NT5DC1: variants seen among roughly 807,000 people sequenced by gnomAD.
NT5DC1 encodes 5'-nucleotidase domain-containing protein 1.
A neutral mutation model predicts 59.4 loss-of-function variants in NT5DC1; 42 were observed. The observed-to-expected ratio is 0.71, with a 90% CI of 0.55 to 0.92. The LOEUF (loss-of-function observed/expected upper bound fraction) is 0.92, where lower values mean the gene tolerates loss of function less well. Among genes scored for constraint, NT5DC1 ranks in the 40% least tolerant of loss-of-function variants. The pLI is 0.00. For missense variants in NT5DC1, 501 were observed against 537.1 expected (o/e 0.93, Z 0.66); for synonymous variants, 172 against 188.1 (o/e 0.91, Z 0.70).
At chr6:116,192,186 C>T (rs190054064) in intron 6 of NT5DC1, among the ~76,000 whole-genome samples, 2 of 151,978 alleles carry the variant, frequency 1.3e-5, no homozygotes, top group Non-Finnish European at 2.9e-5. Context: ...TGTGATTTTG[C>T]CAGTTAATTA....
chr6:116,215,449 T>A (rs1204789), intron 6 of NT5DC1, among the ~76,000 whole-genome samples: 64,677 of 151,984 alleles, frequency 0.43, 17,739 homozygotes, highest in African/African-American at 0.78. Context: ...TGGTAAGATT[T>A]CATCTCTCCC....
At chr6:116,135,846 T>C (rs1442394531) in intron 6 of NT5DC1, among the ~76,000 whole-genome samples, 1 of 98,902 alleles carries the variant, frequency 1.0e-5, no homozygotes, top group African/African-American at 5.3e-5. Flanking sequence ...TATATATATA[T>C]ATATATATAT....
At chr6:116,201,918 A>G (rs1462208172) in intron 6 of NT5DC1, among the ~76,000 whole-genome samples, 1 of 152,016 alleles carries the variant, frequency 6.6e-6, no homozygotes, top group South Asian at 2.1e-4. Context: ...TGGTAGATTT[A>G]TGCACCTACA....
chr6:116,190,282 A>C (rs1342733398), intron 6 of NT5DC1, among the ~76,000 whole-genome samples: 1 of 152,006 alleles, frequency 6.6e-6, no homozygotes, highest in East Asian at 1.9e-4. Flanking sequence ...TCTTTTATCA[A>C]TATATGAAAT....
chr6:116,205,178 C>T (rs1406678803), intron 6 of NT5DC1, among the ~76,000 whole-genome samples: 1 of 151,870 alleles, frequency 6.6e-6, no homozygotes, highest in Non-Finnish European at 1.5e-5. Flanking sequence ...CAGACAGAAA[C>T]TAAAAACCAT....
intron 6 of NT5DC1, 33 bp downstream of exon 6, chr6:116,117,978 T>C (rs1345833330): frequency 1.9e-6 from 2 of 1,037,436 alleles, no homozygotes; most frequent in Admixed American, 1.7e-5. Context: ...TTCTAATACG[T>C]GTTTGTTAAG....
intron 6 of NT5DC1, among the ~76,000 whole-genome samples, chr6:116,178,332 TA>T (rs1395110603): frequency 3.9e-5 from 6 of 152,152 alleles, no homozygotes; most frequent in Non-Finnish European, 8.8e-5. Flanking sequence ...GGTATGGCCA[TA>T]AGCCCTAGGA....
intron 8 of NT5DC1, among the ~76,000 whole-genome samples, chr6:116,234,245 C>T (rs1195665442): frequency 2.0e-5 from 3 of 151,900 alleles, no homozygotes; most frequent in Admixed American, 2.0e-4. Flanking sequence ...CAGGTGTGAG[C>T]CACCATGCCT....
chr6:116,193,780 G>A (rs1482306679), intron 6 of NT5DC1, among the ~76,000 whole-genome samples: 2 of 150,910 alleles, frequency 1.3e-5, no homozygotes, highest in Admixed American at 6.6e-5. Flanking sequence ...AATAAAAAAA[G>A]AGGAGTTGGG....
At chr6:116,134,907 G>A (rs1334010701) in intron 6 of NT5DC1, among the ~76,000 whole-genome samples, 2 of 152,122 alleles carry the variant, frequency 1.3e-5, no homozygotes, top group African/African-American at 4.8e-5. Flanking sequence ...GAAAGAAAAA[G>A]GAGAAGAGCC....
At chr6:116,121,456 TC>T in intron 6 of NT5DC1, 2 of 1,613,926 alleles carry the variant, frequency 1.2e-6, no homozygotes. Context: ...CACCTCTTTT[TC>T]CCACTCCAGG....
At chr6:116,135,885 A>G (rs1779588667) in intron 6 of NT5DC1, among the ~76,000 whole-genome samples, 1 of 147,292 alleles carries the variant, frequency 6.8e-6, no homozygotes, top group Non-Finnish European at 1.5e-5. Flanking sequence ...ACACATACAC[A>G]CACATTGCTA....
intron 4 of NT5DC1, 107 bp downstream of exon 4, chr6:116,111,063 T>G (rs190211455): frequency 2.8e-6 from 2 of 725,354 alleles, no homozygotes; most frequent in East Asian, 5.4e-5. Context: ...CTGGGCAGGA[T>G]GCCAAAGGGA....
chr6:116,128,997 G>A (rs1228833358), intron 6 of NT5DC1, among the ~76,000 whole-genome samples: 1 of 152,090 alleles, frequency 6.6e-6, no homozygotes, highest in East Asian at 1.9e-4. Flanking sequence ...CATTCAAACT[G>A]ATCTCAACTC....
chr6:116,158,060 C>T (rs1582841826), intron 6 of NT5DC1, among the ~76,000 whole-genome samples: 3 of 152,184 alleles, frequency 2.0e-5, no homozygotes, highest in Admixed American at 2.0e-4. Flanking sequence ...ATATTGGCAG[C>T]TTCAGCTCTC....
intron 6 of NT5DC1, among the ~76,000 whole-genome samples, chr6:116,202,436 A>G (rs1781368720): frequency 6.6e-6 from 1 of 152,026 alleles, no homozygotes; most frequent in Non-Finnish European, 1.5e-5. Context: ...TTTAGGGGAA[A>G]CGAGGAAACA....
intron 6 of NT5DC1, among the ~76,000 whole-genome samples, chr6:116,210,092 G>A (rs1781545542): frequency 6.6e-6 from 1 of 151,872 alleles, no homozygotes; most frequent in South Asian, 2.1e-4. Flanking sequence ...TGATTTCTAA[G>A]GCTCCTTTTA....
At chr6:116,239,950 T>G (rs1771652700) in intron 11 of NT5DC1, among the ~76,000 whole-genome samples, 1 of 152,132 alleles carries the variant, frequency 6.6e-6, no homozygotes. Flanking sequence ...ATAAAAAGAA[T>G]GGAGATTGTA....
Position 116,148,517 on chromosome 6 carries a change from G to A in NT5DC1, c.529+30572G>A, listed in dbSNP as rs562840145. Reference sequence around the variant, plus strand: ...CCCAATCTTGCAGTGCCTTAGGATCGTCACTGTGGATGTTGATTTTCATTG... The same window carrying A: ...CCCAATCTTGCAGTGCCTTAGGATCATCACTGTGGATGTTGATTTTCATTG... On this transcript the variant is annotated intron_variant, in intron 6 of 11. Transcript: ENST00000319550. 3.3e-5 allele frequency among the ~76,000 whole-genome samples: 5 copies of A among 152,190 alleles called. No homozygotes were observed. The East Asian group carries it at 5.8e-4, about 18-fold the overall frequency.
Sources: allele counts gnomAD v4.1 joint callset (sites outside exome capture counted in the v4.1 genomes callset), GRCh38; gene constraint gnomAD v4.1.1; transcripts MANE v1.5; gene names NCBI Gene and HGNC (gene_info 2026-07-23, HGNC 2026-07-21).